DNAH14: variants seen among roughly 807,000 people sequenced by gnomAD.
DNAH14 encodes dynein axonemal heavy chain 14, also known as axonemal beta dynein heavy chain 14.
In DNAH14, 478 loss-of-function variants were observed where a neutral mutation model predicts 520.9. That is an observed-to-expected ratio of 0.92 (90% CI 0.85 to 0.99). The LOEUF is 0.99. DNAH14 is among the 50% of genes least tolerant of loss of function. The probability of loss-of-function intolerance (pLI) is 0.00; values close to 1 mark genes in which losing one functional copy is unlikely to be tolerated. For synonymous variants in DNAH14, 1,581 were observed against 1,757.2 expected (o/e 0.90, Z 2.51); for missense variants, 4,831 against 5,234.5 (o/e 0.92, Z 2.38).
chr1:225,314,519 T>C (rs986380428), intron 60 of DNAH14, among the ~76,000 whole-genome samples: 6 of 152,220 alleles, frequency 3.9e-5, no homozygotes, highest in African/African-American at 7.2e-5. Flanking sequence ...TTGATGCAGT[T>C]TCTTCATAGT....
intron 41 of DNAH14, among the ~76,000 whole-genome samples, chr1:225,229,359 G>A (rs959891632): frequency 3.3e-5 from 5 of 152,124 alleles, no homozygotes; most frequent in Admixed American, 3.3e-4. Flanking sequence ...AGACAGTGTG[G>A]TGACTCCTCA....
intron 10 of DNAH14, among the ~76,000 whole-genome samples, chr1:225,020,511 A>AAAAC (rs2065593418): frequency 6.7e-6 from 1 of 149,136 alleles, no homozygotes; most frequent in Non-Finnish European, 1.5e-5. Flanking sequence ...AAAAAAAAAA[A>AAAAC]AAAAACAACT....
At chr1:225,218,646 A>G (rs903515648) in intron 41 of DNAH14, among the ~76,000 whole-genome samples, 3 of 152,192 alleles carry the variant, frequency 2.0e-5, no homozygotes, top group Non-Finnish European at 4.4e-5. Flanking sequence ...ATACAGGAGA[A>G]TACAAGATTC....
intron 64 of DNAH14, among the ~76,000 whole-genome samples, chr1:225,328,404 G>C (rs964147680): frequency 5.3e-5 from 8 of 151,980 alleles, no homozygotes; most frequent in African/African-American, 1.4e-4. Context: ...TCAACCACAG[G>C]CTTCATGAGA....
At chr1:225,030,103 AAAGGTCACAAAT>A (rs2066420390) in intron 11 of DNAH14, among the ~76,000 whole-genome samples, 2 of 151,996 alleles carry the variant, frequency 1.3e-5, no homozygotes, top group African/African-American at 4.8e-5. Flanking sequence ...AAAGTTTGGG[AAAGGTCACAAAT>A]ATATGGAAAT....
intron 79 of DNAH14, among the ~76,000 whole-genome samples, chr1:225,378,023 A>T (rs1391176658): frequency 6.6e-6 from 1 of 152,150 alleles, no homozygotes; most frequent in African/African-American, 2.4e-5. Flanking sequence ...ATTTCAACCT[A>T]AAATCATAAA....
chr1:225,035,543 C>T (rs1279522425), intron 11 of DNAH14, among the ~76,000 whole-genome samples: 1 of 151,484 alleles, frequency 6.6e-6, no homozygotes, highest in Non-Finnish European at 1.5e-5. Context: ...CACCTATATA[C>T]TTCCCTGTTA....
At chr1:225,226,913 C>T (rs546791779) in intron 41 of DNAH14, among the ~76,000 whole-genome samples, 1 of 152,240 alleles carries the variant, frequency 6.6e-6, no homozygotes, top group Non-Finnish European at 1.5e-5. Flanking sequence ...GGTGCTGTGA[C>T]TTGATGTGCA....
At chr1:225,336,489 A>AG (rs1034646754) in intron 66 of DNAH14, among the ~76,000 whole-genome samples, 2 of 87,434 alleles carry the variant, frequency 2.3e-5, no homozygotes, top group African/African-American at 1.2e-4. Flanking sequence ...AAAGAACTAT[A>AG]GGGAAAAAAT....
intron 1 of DNAH14, among the ~76,000 whole-genome samples, chr1:224,932,041 T>C (rs58465537): frequency 0.024 from 3,604 of 152,290 alleles, 109 homozygotes; most frequent in African/African-American, 0.073. Context: ...CTGCTTTCCA[T>C]AGTGGCTGTG....
At chr1:225,244,855 C>A (rs571797982) in intron 43 of DNAH14, among the ~76,000 whole-genome samples, 26 of 152,150 alleles carry the variant, frequency 1.7e-4, no homozygotes, top group African/African-American at 6.0e-4. Context: ...TCCTTCAGTT[C>A]TGCTCTGATC....
At chr1:225,333,884 T>C (rs1360434671) in intron 66 of DNAH14, among the ~76,000 whole-genome samples, 1 of 152,210 alleles carries the variant, frequency 6.6e-6, no homozygotes, top group Non-Finnish European at 1.5e-5. Flanking sequence ...ATTTATTAAC[T>C]TAGATACTTA....
In DNAH14 at chr1:225,258,006, G is replaced by A. The variant is rs2092802620; in HGVS notation, c.6912G>A (p.Leu2304=). The change falls in exon 45 of 86, where the codon TTG becomes TTA. Residue 2304 remains leucine (L), a synonymous_variant. Transcript: ENST00000682510. ...TNLQRSGGNF[L]KITECGECIN... is the part of the protein sequence containing the mutation. ...TTCAAAGATCTGGCGGAAACTTCTT[G>A]AAGATAACAGAATGTGGAGAATGCA... The A allele has an allele frequency of 2.6e-6, 4 of 1,549,124 alleles. No individual in the cohort carries two copies. Among genetic ancestry groups the A allele is most frequent in the Non-Finnish European group, 3.5e-6 (4 of 1,146,310 alleles).
intron 29 of DNAH14, 64 bp from the exon 30 acceptor site, chr1:225,145,262 A>G: frequency 7.9e-7 from 1 of 1,267,948 alleles, no homozygotes; most frequent in Admixed American, 2.3e-5. Flanking sequence ...TTACTCTAGC[A>G]GTTTTAACAT....
chr1:224,987,904 G>A (rs887153940), intron 8 of DNAH14, among the ~76,000 whole-genome samples: 5 of 152,154 alleles, frequency 3.3e-5, no homozygotes, highest in African/African-American at 1.2e-4. Context: ...AGGATTACAG[G>A]TGTGAGCTAA....
At chr1:225,014,320 T>C (rs2065041622) in intron 10 of DNAH14, among the ~76,000 whole-genome samples, 1 of 152,072 alleles carries the variant, frequency 6.6e-6, no homozygotes, top group South Asian at 2.1e-4. Context: ...ATGAACCAGG[T>C]ACCTCAGTTG....
intron 50 of DNAH14, among the ~76,000 whole-genome samples, chr1:225,271,115 AG>A (rs1368892917): frequency 1.3e-5 from 2 of 152,210 alleles, no homozygotes; most frequent in Admixed American, 1.3e-4. Flanking sequence ...CTTTATCCTC[AG>A]AGATTCTGAT....
At chr1:225,279,300 C>T (rs1456433676) in intron 54 of DNAH14, among the ~76,000 whole-genome samples, 1 of 152,198 alleles carries the variant, frequency 6.6e-6, no homozygotes, top group African/African-American at 2.4e-5. Context: ...AGCCACCACA[C>T]CTGGCCCCCT....
At chr1:224,929,949 G>C (rs2058568632) in intron 1 of DNAH14, 114 bp downstream of exon 1, 1 of 536,940 alleles carries the variant, frequency 1.9e-6, no homozygotes, top group African/African-American at 2.0e-5. Context: ...GGGCCTGGGC[G>C]CTCCCCACCC....
Sources: gnomAD v4.1 joint callset for allele counts (sites outside exome capture counted in the v4.1 genomes callset) on GRCh38, gnomAD v4.1.1 for gene constraint, MANE v1.5 for transcripts, NCBI Gene and HGNC (gene_info 2026-07-23, HGNC 2026-07-21) for gene names.